The following RUVBL1 variants were observed in gnomAD, a reference collection of about 807,000 sequenced individuals.
RUVBL1 encodes ruvB-like 1.
RUVBL1 carries 4 observed loss-of-function variants against 52.4 expected under a neutral mutation model. The ratio of observed to expected loss-of-function variants is 0.08; its 90% CI spans 0.04 to 0.17. The LOEUF is 0.17. Among genes scored for constraint, RUVBL1 ranks in the 10% least tolerant of loss-of-function variants. RUVBL1 has a pLI of 1.00. For synonymous variants in RUVBL1, 217 were observed against 214.4 expected (o/e 1.01, Z -0.10); for missense variants, 298 against 572.8 (o/e 0.52, Z 4.90).
chr3:128,104,607 G>A (rs941034585), intron 4 of RUVBL1, among the ~76,000 whole-genome samples, 166 bp downstream of exon 4: 5 of 152,200 alleles, frequency 3.3e-5, no homozygotes, highest in Non-Finnish European at 7.3e-5. Flanking sequence ...CAAGCCCTAT[G>A]CTAGGTACCG....
intron 6 of RUVBL1, 109 bp downstream of exon 6, chr3:128,100,486 G>A (rs957435885): frequency 1.9e-5 from 25 of 1,329,550 alleles, no homozygotes; most frequent in Non-Finnish European, 2.3e-5. Flanking sequence ...AGATAGAAAA[G>A]GACCGTCTAC....
At chr3:128,132,329 T>A (rs1351895735) in intron 1 of RUVBL1, among the ~76,000 whole-genome samples, 3 of 152,110 alleles carry the variant, frequency 2.0e-5, no homozygotes, top group African/African-American at 4.8e-5. Flanking sequence ...GGACTGCAAT[T>A]CCTGGGCAAA....
exon 1 of RUVBL1, chr3:128,153,486 T>C: frequency 1.4e-6 from 2 of 1,460,558 alleles, no homozygotes; most frequent in Non-Finnish European, 1.8e-6. Flanking sequence ...GCCGGGCGGG[T>C]GTCCGAGGCG....
At chr3:128,129,062 C>G (rs941481338) in intron 1 of RUVBL1, among the ~76,000 whole-genome samples, 2 of 152,194 alleles carry the variant, frequency 1.3e-5, no homozygotes. Flanking sequence ...TAGCACAGTT[C>G]TCATCTTGCC....
rs564710557 is a variant in RUVBL1, at chr3:128,104,222, C to G, written c.513+551G>C. Reference sequence around the variant, plus strand: ...CTGAGGACTGTCTTTGAGCGCTATCCAGTGTCACCATTCTGGCCTCTCCAC... The same window carrying G: ...CTGAGGACTGTCTTTGAGCGCTATCGAGTGTCACCATTCTGGCCTCTCCAC... On this transcript the variant is annotated intron_variant, in intron 4 of 10. Transcript: ENST00000322623. Among the ~76,000 whole-genome samples the G allele has an allele frequency of 2.6e-5, 4 of 152,314 alleles. No individual in the cohort carries two copies. In the East Asian group the frequency reaches 7.7e-4, roughly 29 times the overall value.
At chr3:128,106,792 G>A (rs1482380225) in intron 3 of RUVBL1, among the ~76,000 whole-genome samples, 1 of 152,170 alleles carries the variant, frequency 6.6e-6, no homozygotes, top group African/African-American at 2.4e-5. Flanking sequence ...GTTATAGCCT[G>A]TATCACCGAA....
At chr3:128,135,448 G>A (rs1559834974) in intron 1 of RUVBL1, among the ~76,000 whole-genome samples, 1 of 152,164 alleles carries the variant, frequency 6.6e-6, no homozygotes, top group Non-Finnish European at 1.5e-5. Context: ...CAGGAGAATC[G>A]CTTGAACCCA....
chr3:128,096,695 T>C (rs961014758), intron 8 of RUVBL1, among the ~76,000 whole-genome samples: 1 of 152,138 alleles, frequency 6.6e-6, no homozygotes, highest in South Asian at 2.1e-4. Context: ...GGCGTGGTGG[T>C]GGGCAACTGT....
At chr3:128,068,098 G>A (rs1289776977) in intron 9 of RUVBL1, 3 of 1,541,744 alleles carry the variant, frequency 1.9e-6, no homozygotes, top group Non-Finnish European at 1.8e-6. Flanking sequence ...CCCGTCTGTG[G>A]ACATGTGTTG....
At chr3:128,066,041 C>T (rs1359817534) in intron 9 of RUVBL1, among the ~76,000 whole-genome samples, 1 of 152,046 alleles carries the variant, frequency 6.6e-6, no homozygotes, top group Non-Finnish European at 1.5e-5. Flanking sequence ...CGCACCCGGC[C>T]TTAAGTATTT....
chr3:128,100,134 G>A (rs1273158820), intron 6 of RUVBL1, among the ~76,000 whole-genome samples: 1 of 152,188 alleles, frequency 6.6e-6, no homozygotes, highest in Admixed American at 6.5e-5. Flanking sequence ...TACTAGCCAA[G>A]GCATAAGTAT....
chr3:128,142,149 G>C (rs749219131), intron 1 of RUVBL1, among the ~76,000 whole-genome samples: 1 of 152,192 alleles, frequency 6.6e-6, no homozygotes, highest in Non-Finnish European at 1.5e-5. Context: ...CAGCAGGCAC[G>C]TCCCAACGCA....
chr3:128,153,683 C>T (rs565711771), exon 1 of RUVBL1: 6 of 1,592,974 alleles, frequency 3.8e-6, no homozygotes, highest in East Asian at 2.3e-5. Context: ...TTCTCGGTGC[C>T]GCTGCCCGCG....
At chr3:128,071,929 G>A (rs1258526759) in intron 9 of RUVBL1, among the ~76,000 whole-genome samples, 6 of 152,244 alleles carry the variant, frequency 3.9e-5, no homozygotes, top group Admixed American at 2.0e-4. Flanking sequence ...TGCACTGGCT[G>A]TCCCGTGAGA....
chr3:128,069,690 C>A, intron 9 of RUVBL1: 1 of 1,606,718 alleles, frequency 6.2e-7, no homozygotes, highest in South Asian at 1.1e-5. Flanking sequence ...GTTGAGGAAG[C>A]TGCTCCAGAA....
intron 8 of RUVBL1, among the ~76,000 whole-genome samples, chr3:128,093,381 G>C (rs1181216975): frequency 6.6e-5 from 10 of 152,030 alleles, no homozygotes. Flanking sequence ...TTCTTTTTGG[G>C]GTGATGAAAA....
At chr3:128,150,898 A>ATTC (rs1260503127) in intron 1 of RUVBL1, among the ~76,000 whole-genome samples, 107 of 84,566 alleles carry the variant, frequency 1.3e-3, no homozygotes, top group African/African-American at 5.2e-3. Context: ...TATTCTATAT[A>ATTC]TATAATATAA....
At chr3:128,143,906 G>C (rs1944067113) in intron 1 of RUVBL1, among the ~76,000 whole-genome samples, 1 of 152,204 alleles carries the variant, frequency 6.6e-6, no homozygotes, top group Admixed American at 6.5e-5. Context: ...AGTAGGTGCT[G>C]ACCACTACCG....
intron 9 of RUVBL1, among the ~76,000 whole-genome samples, chr3:128,074,308 G>C (rs916865193): frequency 2.6e-5 from 4 of 151,286 alleles, no homozygotes; most frequent in Admixed American, 6.6e-5. Flanking sequence ...AAAGCTAAGT[G>C]AAAGAAACAA....
Sources: gnomAD v4.1 joint callset for allele counts (sites outside exome capture counted in the v4.1 genomes callset) on GRCh38, gnomAD v4.1.1 for gene constraint, MANE v1.5 for transcripts, NCBI Gene and HGNC (gene_info 2026-07-23, HGNC 2026-07-21) for gene names.